HEPH: variants seen among roughly 807,000 people sequenced by gnomAD.
The protein encoded by HEPH is hephaestin.
In HEPH, 69 loss-of-function variants were observed where a neutral mutation model predicts 80.8. That is an observed-to-expected ratio of 0.85 (90% confidence interval 0.70 to 1.04). The LOEUF is 1.04. Ranked by LOEUF, HEPH falls within the 50% of genes least tolerant of loss-of-function variation. The pLI is 0.00. For missense variants in HEPH, 1,115 were observed against 891.3 expected (o/e 1.25, Z -3.20); for synonymous variants, 431 against 322.8 (o/e 1.34, Z -3.60).
intron 15 of HEPH, among the ~76,000 whole-genome samples, chrX:66,226,780 A>G (rs776776429): frequency 8.9e-6 from 1 of 111,959 alleles, no homozygotes; most frequent in Admixed American, 9.5e-5. Context: ...GCAAGCAACG[A>G]GATTGAAATG....
At chrX:66,220,726 C>T (rs1287363713) in intron 15 of HEPH, among the ~76,000 whole-genome samples, 4 of 111,098 alleles carry the variant, frequency 3.6e-5, no homozygotes, top group African/African-American at 9.8e-5. Flanking sequence ...GTTTGGGCAC[C>T]CCTTTTTCTT....
intron 15 of HEPH, among the ~76,000 whole-genome samples, chrX:66,238,837 A>G (rs2090460752): frequency 1.8e-5 from 2 of 112,322 alleles, no homozygotes; most frequent in Non-Finnish European, 3.8e-5. Flanking sequence ...CATTGTTTCT[A>G]TAGATATTAG....
At chrX:66,210,448 G>A (rs2089050990) in intron 15 of HEPH, among the ~76,000 whole-genome samples, 1 of 111,833 alleles carries the variant, frequency 8.9e-6, no homozygotes, top group Admixed American at 9.5e-5. Flanking sequence ...CTAAAGTAAA[G>A]TGGAGGCAAA....
chrX:66,179,730 T>C (rs768332514), intron 4 of HEPH, among the ~76,000 whole-genome samples: 1 of 111,613 alleles, frequency 9.0e-6, no homozygotes, highest in East Asian at 2.8e-4. Context: ...TTCTTAGGTC[T>C]ATTAGTAATT....
rs1569324215 is a variant in HEPH, at chrX:66,200,666, C to T, written c.1991C>T (p.Thr664Ile). 1.7e-6 allele frequency: 2 copies of T among 1,211,578 alleles called. No homozygotes were observed. The highest frequency in any genetic ancestry group is 1.1e-6 in the Non-Finnish European group (1 of 895,392). The change falls in exon 12 of 21, where the codon ACT becomes ATT. Residue 664 changes from threonine to isoleucine, a missense_variant. Physicochemically the swap from Thr to Ile is moderately conservative, Grantham distance 89. Around this residue, in one of 3 missense-constraint regions of HEPH, gnomAD observed 716 missense variants for 523.5 expected, o/e 1.37. Transcript: ENST00000343002. ...CATGGAGTCATGTTCCAGGGCAACA[C>T]TGTGCAGCTTCAGGGCATGAGGAAG... ...DVHGVMFQGN[T>I]VQLQGMRKGA...
intron 15 of HEPH, among the ~76,000 whole-genome samples, chrX:66,212,200 T>C (rs2089167928): frequency 9.8e-6 from 1 of 102,001 alleles, no homozygotes; most frequent in Admixed American, 1.0e-4. Context: ...TTTTTTTTTT[T>C]CCTCTTAACT....
chrX:66,225,908 C>T (rs1014890897), intron 15 of HEPH, among the ~76,000 whole-genome samples: 20 of 112,095 alleles, frequency 1.8e-4, no homozygotes, highest in Admixed American at 1.1e-3. Flanking sequence ...TTTATTCGGC[C>T]GGGAGCTTCG....
chrX:66,187,211 A>T (rs2147668439), intron 4 of HEPH, among the ~76,000 whole-genome samples: 1 of 110,999 alleles, frequency 9.0e-6, no homozygotes, highest in African/African-American at 3.3e-5. Context: ...TGCCTCCCTG[A>T]TTAGCTTAAT....
intron 15 of HEPH, among the ~76,000 whole-genome samples, chrX:66,252,615 G>C (rs761833474): frequency 9.0e-6 from 1 of 111,705 alleles, no homozygotes; most frequent in Non-Finnish European, 1.9e-5. Flanking sequence ...TGAACAAAGA[G>C]AGATTTTGGA....
chrX:66,187,545 AC>A (rs1416461081), intron 4 of HEPH, among the ~76,000 whole-genome samples: 1 of 111,727 alleles, frequency 9.0e-6, no homozygotes, highest in African/African-American at 3.3e-5. Flanking sequence ...CAGCAAGTCT[AC>A]CTGGCTCTGG....
intron 15 of HEPH, among the ~76,000 whole-genome samples, chrX:66,223,099 G>T (rs992836103): frequency 9.0e-6 from 1 of 110,756 alleles, no homozygotes; most frequent in Non-Finnish European, 1.9e-5. Flanking sequence ...TCCTAGGCTG[G>T]CTAGAGTTTT....
chrX:66,207,661 G>A, intron 14 of HEPH, among the ~76,000 whole-genome samples: 1 of 111,427 alleles, frequency 9.0e-6, no homozygotes, highest in Middle Eastern at 4.6e-3. Flanking sequence ...CAAGGAATCA[G>A]TTTTTTCATT....
intron 4 of HEPH, among the ~76,000 whole-genome samples, chrX:66,186,788 A>G (rs2087476677): frequency 8.9e-6 from 1 of 112,190 alleles, no homozygotes; most frequent in African/African-American, 3.2e-5. Context: ...AGGCCAGGGA[A>G]GTTTTCCCCT....
At chrX:66,256,400 C>A in intron 17 of HEPH, 70 bp downstream of exon 17, 1 of 733,607 alleles carries the variant, frequency 1.4e-6, no homozygotes, top group Non-Finnish European at 2.0e-6. Context: ...TTTAATAGGC[C>A]TATTGCTACC....
At chrX:66,247,168 C>T (rs1043813201) in intron 15 of HEPH, among the ~76,000 whole-genome samples, 6 of 109,698 alleles carry the variant, frequency 5.5e-5, no homozygotes, top group Non-Finnish European at 1.1e-4. Context: ...GCTAATCCTA[C>T]TTTTAGTCAG....
At chrX:66,174,284 C>T (rs2086714269) in intron 4 of HEPH, among the ~76,000 whole-genome samples, 1 of 111,506 alleles carries the variant, frequency 9.0e-6, no homozygotes, top group African/African-American at 3.3e-5. Context: ...TCCTGAGTTA[C>T]TTCACTTAGA....
chrX:66,218,907 G>A (rs761569164), intron 15 of HEPH, among the ~76,000 whole-genome samples: 8 of 111,957 alleles, frequency 7.1e-5, no homozygotes, highest in South Asian at 3.8e-4. Context: ...GTGTGGCACC[G>A]GGCTGTCTGT....
intron 4 of HEPH, among the ~76,000 whole-genome samples, chrX:66,177,049 A>C (rs775892850): frequency 9.9e-4 from 110 of 111,633 alleles, no homozygotes; most frequent in African/African-American, 3.6e-3. Context: ...AATGGAAGAA[A>C]ATTTTTGCAA....
chrX:66,199,232 G>A (rs1413974851), intron 11 of HEPH, among the ~76,000 whole-genome samples: 1 of 111,781 alleles, frequency 8.9e-6, no homozygotes, highest in Non-Finnish European at 1.9e-5. Context: ...CACAGTATGG[G>A]GGAAACTGGA....
Sources: allele counts gnomAD v4.1 joint callset (sites outside exome capture counted in the v4.1 genomes callset), GRCh38; gene constraint gnomAD v4.1.1; regional missense constraint gnomAD v4.1.1; transcripts MANE v1.5; gene names NCBI Gene and HGNC (gene_info 2026-07-23, HGNC 2026-07-21).